Variants in B3GALNT2 observed in about 807,000 individuals in gnomAD.
B3GALNT2 encodes the protein beta-1,3-N-acetylgalactosaminyltransferase 2, also known as UDP-GalNAc:beta-1,3-N-acetylgalactosaminyltransferase 2.
Under a neutral mutation model 61.1 loss-of-function variants are expected in B3GALNT2, and 53 were observed. The ratio of observed to expected loss-of-function variants is 0.87; its 90% CI spans 0.70 to 1.09. The LOEUF (loss-of-function observed/expected upper bound fraction) is 1.09. Among genes scored for constraint, B3GALNT2 ranks in the 50% least tolerant of loss-of-function variants. The pLI, the probability that B3GALNT2 is intolerant of heterozygous loss-of-function variation, is 0.00. For synonymous variants in B3GALNT2, 223 were observed against 237.4 expected (o/e 0.94, Z 0.56); for missense variants, 544 against 623.0 (o/e 0.87, Z 1.35).
In B3GALNT2 at chr1:235,448,806, T is replaced by G. The variant is rs776090134; in HGVS notation, c.*1400A>C. On this transcript the variant is annotated 3_prime_UTR_variant, in exon 12 of 12. Transcript: ENST00000366600. ...TAAAGACCACACTGCTTATCGTGTC[T>G]GGGGTTCACCGGAAATAAATGATTC... 1.7e-5 allele frequency: 23 copies of G among 1,360,610 alleles called. No homozygotes were observed. The African/African-American group carries it at 2.6e-4, about 15-fold the overall frequency. The allele number at this position is 1,360,610 out of a possible 1,614,324, so 84.3% of individuals were successfully genotyped here. A position where few individuals can be genotyped will look rare whatever the true frequency, so the allele number is the denominator to read the frequency against.
chr1:235,456,154 T>C (rs1683162379), intron 8 of B3GALNT2, among the ~76,000 whole-genome samples: 1 of 152,218 alleles, frequency 6.6e-6, no homozygotes, highest in Non-Finnish European at 1.5e-5. Flanking sequence ...CTCAAAATAT[T>C]TTATGGCTTA....
At chr1:235,497,348 T>A (rs1685376664) in intron 1 of B3GALNT2, among the ~76,000 whole-genome samples, 1 of 152,200 alleles carries the variant, frequency 6.6e-6, no homozygotes, top group Non-Finnish European at 1.5e-5. Context: ...ATTACGTTAG[T>A]AAGAAATTAT....
At position 235,502,429 on chromosome 1, in the gene B3GALNT2, TAAAAAAAAATCCC is replaced by T. The variant is rs559371501; in HGVS notation, c.112+1699_112+1711del. ...CGTCCTGCACACGTATCCCGGAACTTAAAAAAAAATCCCATTTATTATCTGACCAGATACACAG... is the reference window on the plus strand; with the variant it reads ...CGTCCTGCACACGTATCCCGGAACTTATTTATTATCTGACCAGATACACAG... On this transcript the variant is annotated intron_variant, in intron 1 of 11. Transcript: ENST00000366600. 1.3e-4 allele frequency among the ~76,000 whole-genome samples: 20 copies of T among 151,850 alleles called. No individual in the cohort carries two copies. The South Asian group carries it at 4.0e-3, about 30-fold the overall frequency.
rs1198243540 is a variant in B3GALNT2, at chr1:235,448,609, G to A, written c.*1597C>T. On this transcript the variant is annotated 3_prime_UTR_variant, in exon 12 of 12. Transcript: ENST00000366600. ...GGGACGGGGTGGGGGAAGAGTATGTGTAGCATGCTTTATCGGATCTGTCTT... is the reference window on the plus strand; with the variant it reads ...GGGACGGGGTGGGGGAAGAGTATGTATAGCATGCTTTATCGGATCTGTCTT... 24 of 1,463,342 alleles carry A rather than the reference G, an allele frequency of 1.6e-5. No individual in the cohort carries two copies. In the Admixed American group the frequency reaches 3.8e-4, roughly 23 times the overall value. The allele number at this position is 1,463,342 out of a possible 1,614,324, so 90.6% of individuals were successfully genotyped here. A position where few individuals can be genotyped will look rare whatever the true frequency, so the allele number is the denominator to read the frequency against.
rs192641362 is a variant in B3GALNT2, at chr1:235,480,810, G to A, written c.556-661C>T. On this transcript the variant is annotated intron_variant, in intron 4 of 11. Coordinates refer to ENST00000366600, the MANE Select transcript of B3GALNT2 (RefSeq NM_152490.5). Reference sequence around the variant, plus strand: ...AGTCCCAGCTACTTAGGAGGCTGAAGCAGGAGAATCGCTTGAACCCAGGAG... The same window carrying A: ...AGTCCCAGCTACTTAGGAGGCTGAAACAGGAGAATCGCTTGAACCCAGGAG... 2.7e-3 allele frequency among the ~76,000 whole-genome samples: 399 copies of A among 146,122 alleles called. 1 individual carries two copies. The highest frequency in any genetic ancestry group is 9.9e-3 in the African/African-American group (391 of 39,518).
chr1:235,463,326 G>T (rs1338261308), intron 7 of B3GALNT2: 1 of 151,934 alleles, frequency 6.6e-6, no homozygotes, highest in Non-Finnish European at 1.5e-5. Flanking sequence ...CACCGCTAAA[G>T]AACTTATTCA....
At chr1:235,454,702 A>G (rs567525156) in intron 9 of B3GALNT2, among the ~76,000 whole-genome samples, 1 of 152,224 alleles carries the variant, frequency 6.6e-6, no homozygotes, top group East Asian at 1.9e-4. Flanking sequence ...AGCCTCCCAA[A>G]GTGCTGGGAT....
intron 1 of B3GALNT2, 46 bp downstream of exon 1, chr1:235,504,095 C>T (rs1685716028): frequency 4.2e-6 from 5 of 1,195,634 alleles, no homozygotes; most frequent in Non-Finnish European, 1.0e-6. Context: ...AGCCGGGCCT[C>T]CCACCCCCCC....
At position 235,470,959 on chromosome 1, in the gene B3GALNT2, CT is replaced by C; in HGVS notation, c.652del (p.Ser218AlafsTer24). Reference protein sequence around the residue: ...KPVEQFILPESFEGTIVWESQ... With the variant: ...KPVEQFILPEXFEGTIVWESQ... ...CTCCCACACGATTGTACCTTCAAAG[CT>C]CTTTTGTAGAAAGATGAATAGTGAG... is the stretch of plus-strand genomic sequence containing the variant. On this transcript the variant is annotated frameshift_variant and splice_region_variant, in exon 6 of 12. Coordinates refer to ENST00000366600, the MANE Select transcript of B3GALNT2 (RefSeq NM_152490.5). LOFTEE classifies it high-confidence loss of function. The C allele has an allele frequency of 6.2e-7, 1 of 1,613,710 alleles. No homozygotes were observed. The highest frequency in any genetic ancestry group is 8.5e-7 in the Non-Finnish European group (1 of 1,179,760).
In B3GALNT2 at chr1:235,448,329, CTTT is replaced by C; in HGVS notation, c.*1874_*1876del. The stretch of plus-strand genomic sequence containing the variant: ...ACTGTCATTTGAGAGAACGAATGGA[CTTT>C]TCTTGTCTTTTGATAGGCTCCATGA... On this transcript the variant is annotated 3_prime_UTR_variant, in exon 12 of 12. Coordinates refer to ENST00000366600, the MANE Select transcript of B3GALNT2 (RefSeq NM_152490.5). 6.2e-7 allele frequency: 1 copy of C among 1,608,966 alleles called. No individual in the cohort carries two copies. The highest frequency in any genetic ancestry group is 8.5e-7 in the Non-Finnish European group (1 of 1,176,226).
chr1:235,479,093 A>T (rs1055316755), intron 5 of B3GALNT2: 1 of 152,240 alleles, frequency 6.6e-6, no homozygotes, highest in African/African-American at 2.4e-5. Flanking sequence ...CAGAATTAAC[A>T]TATAGTTTCA....
intron 11 of B3GALNT2, among the ~76,000 whole-genome samples, chr1:235,452,601 T>C (rs1572479665): frequency 6.6e-6 from 1 of 151,232 alleles, no homozygotes; most frequent in Non-Finnish European, 1.5e-5. Context: ...CAGGTGGGAG[T>C]GCAGTGGTGC....
the B3GALNT2 span, among the ~76,000 whole-genome samples, chr1:235,440,191 C>T: frequency 2.6e-5 from 4 of 152,062 alleles, no homozygotes; most frequent in Non-Finnish European, 5.9e-5. Flanking sequence ...AGGATGGTCT[C>T]GATCTCCTGA....
intron 1 of B3GALNT2, chr1:235,496,325 A>AAT: frequency 9.7e-7 from 1 of 1,026,544 alleles, no homozygotes; most frequent in Non-Finnish European, 1.2e-6. Context: ...AAAAAAAAAA[A>AAT]GTTCCATTCC....
intron 8 of B3GALNT2, among the ~76,000 whole-genome samples, chr1:235,456,126 G>A (rs575662862): frequency 6.6e-6 from 1 of 152,206 alleles, no homozygotes; most frequent in South Asian, 2.1e-4. Flanking sequence ...AGATGCATCC[G>A]ATGCTATTTA....
chr1:235,464,595 C>T (rs906444872), intron 7 of B3GALNT2: 15 of 151,768 alleles, frequency 9.9e-5, no homozygotes, highest in African/African-American at 3.4e-4. Flanking sequence ...CTCTACAAAA[C>T]ATTTAATAAT....
At chr1:235,492,279 T>A (rs1685103243) in intron 2 of B3GALNT2, among the ~76,000 whole-genome samples, 1 of 152,214 alleles carries the variant, frequency 6.6e-6, no homozygotes, top group African/African-American at 2.4e-5. Flanking sequence ...ACTAAATTAT[T>A]GCAAGTATGT....
chr1:235,479,259 A>G (rs1431879088), intron 5 of B3GALNT2: 1 of 152,142 alleles, frequency 6.6e-6, no homozygotes, highest in Admixed American at 6.6e-5. Context: ...CCACACCTTA[A>G]CCCAGCTGAG....
At position 235,450,189 on chromosome 1, in the gene B3GALNT2, G is replaced by A; in HGVS notation, c.*17C>T. 1.2e-6 allele frequency: 2 copies of A among 1,613,908 alleles called. No homozygotes were observed. Among genetic ancestry groups the A allele is most frequent in the Non-Finnish European group, 1.7e-6 (2 of 1,179,886 alleles). ...TTTGCCTGCCCTGATTTTAGACTCT[G>A]CTAATTCAAGTCCCTGTTATCTTGC... On this transcript the variant is annotated 3_prime_UTR_variant, in exon 12 of 12. Coordinates refer to ENST00000366600, the MANE Select transcript of B3GALNT2 (RefSeq NM_152490.5).
Sources: allele counts gnomAD v4.1 joint callset (sites outside exome capture counted in the v4.1 genomes callset), GRCh38; gene constraint gnomAD v4.1.1; transcripts MANE v1.5; gene names NCBI Gene and HGNC (gene_info 2026-07-23, HGNC 2026-07-21).